The following CNTN1 variants were observed in gnomAD, a reference collection of about 807,000 sequenced individuals.
CNTN1 encodes the protein contactin-1.
In CNTN1, 38 loss-of-function variants were observed where a neutral mutation model predicts 126.4. The observed-to-expected ratio is 0.30, with a 90% CI of 0.23 to 0.39. The LOEUF (loss-of-function observed/expected upper bound fraction) is 0.39, where lower values mean the gene tolerates loss of function less well. Among genes scored for constraint, CNTN1 ranks in the 10% least tolerant of loss-of-function variants. The pLI, the probability that CNTN1 is intolerant of heterozygous loss-of-function variation, is 1.00. For synonymous variants in CNTN1, 413 were observed against 422.6 expected, an observed-to-expected ratio of 0.98 and a Z score of 0.28; for missense variants, 1,009 against 1,248.4, an observed-to-expected ratio of 0.81 and a Z score of 2.89.
At chr12:40,975,960 C>G (rs1004186540) in intron 15 of CNTN1, among the ~76,000 whole-genome samples, 1 of 151,926 alleles carries the variant, frequency 6.6e-6, no homozygotes, top group Admixed American at 6.6e-5. Flanking sequence ...GATATATGAG[C>G]GTAATAAAAT....
intron 23 of CNTN1, among the ~76,000 whole-genome samples, chr12:41,056,917 T>TATTTAGATATTTATAAATATTATA (rs1688093623): frequency 1.4e-5 from 1 of 70,022 alleles, no homozygotes; most frequent in Non-Finnish European, 2.5e-5. Context: ...TAAATATTTA[T>TATTTAGATATTTATAAATATTATA]AATATTTAGA....
chr12:40,955,532 T>C (rs1490488118), intron 14 of CNTN1, among the ~76,000 whole-genome samples: 4 of 152,108 alleles, frequency 2.6e-5, no homozygotes, highest in Non-Finnish European at 5.9e-5. Flanking sequence ...CTCATAACAT[T>C]ATCATTATCT....
chr12:40,754,040 T>G (rs1455018421), intron 1 of CNTN1, among the ~76,000 whole-genome samples: 1 of 152,118 alleles, frequency 6.6e-6, no homozygotes, highest in African/African-American at 2.4e-5. Context: ...AGTTATCAGT[T>G]GATATTCCAC....
At chr12:40,722,461 A>T (rs1942240718) in intron 1 of CNTN1, among the ~76,000 whole-genome samples, 1 of 152,184 alleles carries the variant, frequency 6.6e-6, no homozygotes, top group African/African-American at 2.4e-5. Flanking sequence ...GCTTTGGAAA[A>T]GTGGTTGTAA....
chr12:40,945,112 C>A (rs1356424785), intron 14 of CNTN1, among the ~76,000 whole-genome samples: 1 of 152,064 alleles, frequency 6.6e-6, no homozygotes, highest in African/African-American at 2.4e-5. Context: ...GATCTAGCTA[C>A]AACTGTACAC....
At chr12:40,941,205 AAG>A (rs1193891743) in intron 12 of CNTN1, among the ~76,000 whole-genome samples, 3 of 152,160 alleles carry the variant, frequency 2.0e-5, no homozygotes, top group African/African-American at 7.2e-5. Flanking sequence ...TCCTTGATTA[AAG>A]AGTCTATAAA....
In CNTN1 at chr12:40,976,441, A is replaced by C. The variant is rs569837814; in HGVS notation, c.1805-4468A>C. Among the ~76,000 whole-genome samples the C allele has an allele frequency of 1.4e-4, 22 of 152,258 alleles. No homozygotes were observed. In the South Asian group the frequency reaches 1.9e-3, roughly 13 times the overall value. On this transcript the variant is annotated intron_variant, in intron 15 of 23. Coordinates refer to ENST00000551295, the MANE Select transcript of CNTN1 (RefSeq NM_001843.4). ...AGAAACTGGAAGGAGATATCAGTAA[A>C]GTAATAGTGAAATAAGCTGCATGCA...
At chr12:41,056,717 G>C (rs1307521138) in intron 23 of CNTN1, among the ~76,000 whole-genome samples, 3 of 151,602 alleles carry the variant, frequency 2.0e-5, no homozygotes, top group Non-Finnish European at 2.9e-5. Flanking sequence ...AATAAACTCA[G>C]ATTACTTTCT....
At chr12:40,980,448 CA>C (rs5797694) in intron 15 of CNTN1, among the ~76,000 whole-genome samples, 332 of 128,518 alleles carry the variant, frequency 2.6e-3, no homozygotes, top group African/African-American at 4.1e-3. Flanking sequence ...GACCCTAACT[CA>C]AAAAAAAAAA....
At chr12:41,013,530 G>C (rs1480498230) in intron 17 of CNTN1, among the ~76,000 whole-genome samples, 1 of 146,944 alleles carries the variant, frequency 6.8e-6, no homozygotes, top group Non-Finnish European at 1.5e-5. Context: ...ATGGAGTGAA[G>C]TACAAAAAAA....
intron 1 of CNTN1, among the ~76,000 whole-genome samples, chr12:40,753,618 C>T (rs1938487793): frequency 6.6e-6 from 1 of 152,064 alleles, no homozygotes; most frequent in Non-Finnish European, 1.5e-5. Context: ...CAGAGAGCAA[C>T]GTGGACGTAA....
Position 41,031,227 on chromosome 12 carries a change from A to C in CNTN1, c.2980+2008A>C, listed in dbSNP as rs113377219. Among the ~76,000 whole-genome samples, 602 of 152,302 alleles carry C rather than the reference A, an allele frequency of 4.0e-3. 7 individuals carry two copies. The highest frequency in any genetic ancestry group is 0.014 in the African/African-American group (580 of 41,570). On this transcript the variant is annotated intron_variant, in intron 23 of 23. Transcript: ENST00000551295. Reference sequence around the variant, plus strand: ...ATGTTAAACAGTAGAATCACTAGGGATAGGGGAAAGCCCTGTTTATAATGT... The same window carrying C: ...ATGTTAAACAGTAGAATCACTAGGGCTAGGGGAAAGCCCTGTTTATAATGT...
chr12:40,848,302 T>A (rs1942591680), intron 1 of CNTN1, among the ~76,000 whole-genome samples: 1 of 152,198 alleles, frequency 6.6e-6, no homozygotes, highest in Admixed American at 6.5e-5. Flanking sequence ...CAATTTCATT[T>A]ATATTAAGTC....
intron 14 of CNTN1, among the ~76,000 whole-genome samples, chr12:40,958,459 G>A (rs1010225510): frequency 1.3e-5 from 2 of 151,388 alleles, no homozygotes; most frequent in African/African-American, 4.9e-5. Context: ...AGCTATTTTT[G>A]GAAATTACAT....
At chr12:40,716,208 C>T (rs941972186) in intron 1 of CNTN1, among the ~76,000 whole-genome samples, 2 of 151,590 alleles carry the variant, frequency 1.3e-5, no homozygotes, top group Non-Finnish European at 2.9e-5. Flanking sequence ...GTACTAGATG[C>T]TTCCATTCCT....
chr12:41,014,155 A>T, intron 17 of CNTN1, 73 bp from the exon 18 acceptor site: 1 of 1,417,370 alleles, frequency 7.1e-7, no homozygotes, highest in Non-Finnish European at 9.9e-7. Context: ...GTGAATAAGA[A>T]TTCTAACACC....
At chr12:41,040,460 G>A (rs904806726) in intron 23 of CNTN1, among the ~76,000 whole-genome samples, 1 of 152,078 alleles carries the variant, frequency 6.6e-6, no homozygotes, top group Non-Finnish European at 1.5e-5. Context: ...AGGAAATTAG[G>A]TCAAAGAGCA....
chr12:40,961,241 G>A (rs1293300906), intron 15 of CNTN1, among the ~76,000 whole-genome samples: 1 of 151,938 alleles, frequency 6.6e-6, no homozygotes, highest in African/African-American at 2.4e-5. Flanking sequence ...AGTCAGCAGA[G>A]TCATAACCAT....
chr12:40,982,580 T>A (rs1369222319), intron 16 of CNTN1, among the ~76,000 whole-genome samples: 2 of 152,192 alleles, frequency 1.3e-5, no homozygotes, highest in Admixed American at 1.3e-4. Flanking sequence ...CTGTTCTATC[T>A]CTAGCACCTA....
Sources: gnomAD v4.1 joint callset for allele counts (sites outside exome capture counted in the v4.1 genomes callset) on GRCh38, gnomAD v4.1.1 for gene constraint, MANE v1.5 for transcripts, NCBI Gene and HGNC (gene_info 2026-07-23, HGNC 2026-07-21) for gene names.